OLA1: variants seen among roughly 807,000 people sequenced by gnomAD.
OLA1 encodes obg-like ATPase 1.
OLA1 carries 14 observed loss-of-function variants against 48.4 expected under a neutral mutation model. The ratio of observed to expected loss-of-function variants is 0.29; its 90% confidence interval spans 0.19 to 0.45. OLA1 has a LOEUF of 0.45. Among genes scored for constraint, OLA1 ranks in the 20% least tolerant of loss-of-function variants. The pLI is 1.00. For synonymous variants in OLA1, 127 were observed against 150.4 expected (o/e 0.84, Z 1.14); for missense variants, 325 against 467.1 (o/e 0.70, Z 2.80).
chr2:174,187,032 C>T (rs1687671507), intron 4 of OLA1, among the ~76,000 whole-genome samples: 1 of 152,186 alleles, frequency 6.6e-6, no homozygotes, highest in Non-Finnish European at 1.5e-5. Flanking sequence ...ACAGTGAACA[C>T]ATGCCATTTA....
chr2:174,223,799 C>T (rs893316171), intron 3 of OLA1, among the ~76,000 whole-genome samples: 4 of 141,828 alleles, frequency 2.8e-5, no homozygotes, highest in African/African-American at 7.7e-5. Context: ...GCGTGTAATG[C>T]TGAGAACCAG....
At chr2:174,189,949 T>C (rs1687739601) in intron 4 of OLA1, among the ~76,000 whole-genome samples, 1 of 149,406 alleles carries the variant, frequency 6.7e-6, no homozygotes, top group Admixed American at 6.7e-5. Flanking sequence ...ATAAACAACA[T>C]TACAGCCATA....
At chr2:174,087,303 G>C (rs1003542348) in intron 7 of OLA1, among the ~76,000 whole-genome samples, 2 of 152,040 alleles carry the variant, frequency 1.3e-5, no homozygotes, top group Admixed American at 6.5e-5. Context: ...TGGGATTGCA[G>C]GCGTGAGCCA....
chr2:174,222,994 C>A, intron 4 of OLA1, 39 bp downstream of exon 4: 1 of 1,569,128 alleles, frequency 6.4e-7, no homozygotes, highest in Non-Finnish European at 8.7e-7. Flanking sequence ...AAACACTGAT[C>A]TGAATGAAAT....
chr2:174,229,829 G>T (rs564532292), intron 2 of OLA1, among the ~76,000 whole-genome samples: 3 of 152,156 alleles, frequency 2.0e-5, no homozygotes, highest in Non-Finnish European at 4.4e-5. Flanking sequence ...AGCATGAAAT[G>T]TAGAAGTCAT....
intron 7 of OLA1, among the ~76,000 whole-genome samples, chr2:174,112,107 A>C (rs1443693984): frequency 6.6e-6 from 1 of 152,156 alleles, no homozygotes; most frequent in Non-Finnish European, 1.5e-5. Flanking sequence ...ACCTTACCTA[A>C]ATGAAATTCA....
chr2:174,111,585 GTACATA>G (rs531077123), intron 7 of OLA1, among the ~76,000 whole-genome samples: 83 of 152,224 alleles, frequency 5.5e-4, no homozygotes, highest in African/African-American at 1.8e-3. Flanking sequence ...GGATGTACAT[GTACATA>G]TACATATACA....
intron 10 of OLA1, among the ~76,000 whole-genome samples, chr2:174,076,554 C>T (rs1684741802): frequency 1.3e-5 from 2 of 152,030 alleles, no homozygotes; most frequent in African/African-American, 2.4e-5. Context: ...TAATCTGTAA[C>T]AAAAACACTA....
intron 3 of OLA1, among the ~76,000 whole-genome samples, chr2:174,226,661 G>A (rs969539810): frequency 2.6e-5 from 4 of 151,894 alleles, no homozygotes; most frequent in East Asian, 1.9e-4. Context: ...CACCACGTCC[G>A]GCTACTTTTG....
chr2:174,225,811 A>C (rs1455383274), intron 3 of OLA1, among the ~76,000 whole-genome samples: 1 of 152,180 alleles, frequency 6.6e-6, no homozygotes, highest in African/African-American at 2.4e-5. Context: ...ACCATGAACA[A>C]ATTATTTCAT....
chr2:174,196,930 T>C (rs142338536), intron 4 of OLA1, among the ~76,000 whole-genome samples: 102 of 151,690 alleles, frequency 6.7e-4, no homozygotes, highest in Non-Finnish European at 1.2e-3. Context: ...AAAATGTTTA[T>C]ATAAGACAAT....
chr2:174,077,789 T>C (rs1275061787), intron 10 of OLA1, among the ~76,000 whole-genome samples: 4 of 151,998 alleles, frequency 2.6e-5, no homozygotes, highest in African/African-American at 7.2e-5. Context: ...ATTCTAGTAA[T>C]AGAAAACATC....
At chr2:174,214,318 G>C (rs1316790401) in intron 4 of OLA1, among the ~76,000 whole-genome samples, 1 of 152,158 alleles carries the variant, frequency 6.6e-6, no homozygotes, top group African/African-American at 2.4e-5. Flanking sequence ...GGGCAACAGA[G>C]AGAGACTCCG....
intron 4 of OLA1, among the ~76,000 whole-genome samples, chr2:174,148,573 A>G (rs1164062864): frequency 6.6e-6 from 1 of 152,244 alleles, no homozygotes; most frequent in Non-Finnish European, 1.5e-5. Context: ...TTTCTTACCC[A>G]GCAATCCTAC....
chr2:174,090,097 C>T (rs1445794121), intron 7 of OLA1, among the ~76,000 whole-genome samples: 2 of 152,052 alleles, frequency 1.3e-5, no homozygotes, highest in African/African-American at 4.8e-5. Flanking sequence ...CCTATGAGAA[C>T]CTCACAGAAC....
At chr2:174,088,052 G>C (rs1374955992) in intron 7 of OLA1, among the ~76,000 whole-genome samples, 5 of 152,102 alleles carry the variant, frequency 3.3e-5, no homozygotes, top group African/African-American at 7.2e-5. Context: ...GTGATATCTT[G>C]CTTCTCTAAT....
chr2:174,151,608 T>G (rs1437625496), intron 4 of OLA1, among the ~76,000 whole-genome samples: 1 of 152,102 alleles, frequency 6.6e-6, no homozygotes, highest in African/African-American at 2.4e-5. Flanking sequence ...AAAAAAAAAC[T>G]TTATGTTTTC....
intron 7 of OLA1, among the ~76,000 whole-genome samples, chr2:174,096,521 C>T (rs1258615729): frequency 6.6e-6 from 1 of 152,144 alleles, no homozygotes; most frequent in Non-Finnish European, 1.5e-5. Flanking sequence ...GATCATATGA[C>T]GTCTGACCTT....
chr2:174,077,759 A>G (rs1337367769), intron 10 of OLA1, among the ~76,000 whole-genome samples: 1 of 152,056 alleles, frequency 6.6e-6, no homozygotes, highest in African/African-American at 2.4e-5. Context: ...AGTATAAAAA[A>G]AGAAGCATCT....
Sources: gnomAD v4.1 joint callset for allele counts (sites outside exome capture counted in the v4.1 genomes callset) on GRCh38, gnomAD v4.1.1 for gene constraint, MANE v1.5 for transcripts, NCBI Gene and HGNC (gene_info 2026-07-23, HGNC 2026-07-21) for gene names.